SLC39A11: variants seen among roughly 807,000 people sequenced by gnomAD.
SLC39A11 encodes solute carrier family 39 member 11.
SLC39A11 carries 33 observed loss-of-function variants against 36.1 expected under a neutral mutation model. The observed-to-expected ratio is 0.91, with a 90% CI of 0.69 to 1.22. The LOEUF is 1.22. Among genes scored for constraint, SLC39A11 ranks in the 50% most tolerant of loss-of-function variants. The pLI, the probability that SLC39A11 is intolerant of heterozygous loss-of-function variation, is 0.00. For synonymous variants in SLC39A11, 166 were observed against 170.3 expected, an observed-to-expected ratio of 0.97 and a Z score of 0.20; for missense variants, 432 against 430.3, an observed-to-expected ratio of 1.00 and a Z score of -0.03.
chr17:73,010,018 G>A (rs995704584), intron 4 of SLC39A11, among the ~76,000 whole-genome samples: 1 of 152,010 alleles, frequency 6.6e-6, no homozygotes, highest in Non-Finnish European at 1.5e-5. Flanking sequence ...CCACTCCAAG[G>A]TTTCGGTACT....
At chr17:72,833,209 CAAAAT>C (rs1426701472) in intron 6 of SLC39A11, among the ~76,000 whole-genome samples, 1 of 152,052 alleles carries the variant, frequency 6.6e-6, no homozygotes, top group Non-Finnish European at 1.5e-5. Flanking sequence ...GGCCAGGAAA[CAAAAT>C]GAAGAAAACT....
intron 3 of SLC39A11, among the ~76,000 whole-genome samples, chr17:73,063,779 C>T (rs1039304983): frequency 1.3e-5 from 2 of 152,160 alleles, no homozygotes; most frequent in Admixed American, 6.6e-5. Flanking sequence ...TGCAAGTGTT[C>T]GCTGCCATCA....
intron 7 of SLC39A11, among the ~76,000 whole-genome samples, chr17:72,670,062 A>T (rs919889246): frequency 1.3e-5 from 2 of 151,234 alleles, no homozygotes; most frequent in Non-Finnish European, 2.9e-5. Context: ...ATGTATATAC[A>T]CATATATATA....
chr17:72,801,884 T>TA (rs544683772), intron 6 of SLC39A11, among the ~76,000 whole-genome samples: 53 of 152,210 alleles, frequency 3.5e-4, no homozygotes, highest in African/African-American at 1.2e-3. Context: ...TTTAAAACAA[T>TA]AAAAAAACTT....
At chr17:72,899,566 T>C (rs990898980) in intron 5 of SLC39A11, among the ~76,000 whole-genome samples, 7 of 152,160 alleles carry the variant, frequency 4.6e-5, no homozygotes, top group Admixed American at 3.9e-4. Context: ...ACTTATAAAG[T>C]GCTATTCTCA....
intron 7 of SLC39A11, among the ~76,000 whole-genome samples, chr17:72,702,939 C>CAAAAAA (rs57566412): frequency 1.2e-5 from 1 of 86,846 alleles, no homozygotes; most frequent in African/African-American, 4.6e-5. Context: ...TCCATCTCAC[C>CAAAAAA]AAAAAAAAAA....
chr17:72,809,017 T>C (rs753067843), intron 6 of SLC39A11, among the ~76,000 whole-genome samples: 1 of 152,234 alleles, frequency 6.6e-6, no homozygotes, highest in Non-Finnish European at 1.5e-5. Context: ...AACAACATTA[T>C]CTCAGTGGAT....
intron 6 of SLC39A11, among the ~76,000 whole-genome samples, chr17:72,807,392 A>T (rs1483254074): frequency 6.6e-6 from 1 of 152,120 alleles, no homozygotes; most frequent in African/African-American, 2.4e-5. Context: ...AAGGAATAGG[A>T]GTGTCTTTGT....
At chr17:72,999,204 T>C (rs957814353) in intron 4 of SLC39A11, among the ~76,000 whole-genome samples, 4 of 152,380 alleles carry the variant, frequency 2.6e-5, no homozygotes, top group Admixed American at 1.3e-4. Flanking sequence ...GCAACACTAA[T>C]ATCTCTTTCT....
At chr17:72,797,680 C>A (rs1473064348) in intron 6 of SLC39A11, among the ~76,000 whole-genome samples, 1 of 152,132 alleles carries the variant, frequency 6.6e-6, no homozygotes, top group Admixed American at 6.5e-5. Context: ...GGGATGCACA[C>A]CATCGTGGCC....
intron 6 of SLC39A11, among the ~76,000 whole-genome samples, chr17:72,739,137 T>C (rs1393966372): frequency 1.3e-5 from 2 of 151,938 alleles, no homozygotes; most frequent in African/African-American, 4.8e-5. Flanking sequence ...GGATTTTTTT[T>C]TTTTTTTTGA....
intron 5 of SLC39A11, among the ~76,000 whole-genome samples, chr17:72,915,885 T>C (rs2083301112): frequency 6.6e-6 from 1 of 152,238 alleles, no homozygotes. Flanking sequence ...TCGCTTTCTT[T>C]TCATGTAAAT....
chr17:72,904,694 C>T (rs1419999092), intron 5 of SLC39A11, among the ~76,000 whole-genome samples: 3 of 152,174 alleles, frequency 2.0e-5, no homozygotes, highest in East Asian at 1.9e-4. Context: ...GTGGCACTGA[C>T]GGGCCAAGGG....
intron 7 of SLC39A11, among the ~76,000 whole-genome samples, chr17:72,714,352 T>C (rs1240188891): frequency 6.6e-6 from 1 of 151,228 alleles, no homozygotes; most frequent in Non-Finnish European, 1.5e-5. Flanking sequence ...TAAGGCTCTT[T>C]CTCTCTCTCT....
At chr17:72,990,406 C>T (rs75277486) in intron 4 of SLC39A11, among the ~76,000 whole-genome samples, 3,421 of 152,230 alleles carry the variant, frequency 0.022, 130 homozygotes, top group African/African-American at 0.077. Flanking sequence ...TTTCCTTTTC[C>T]TATCAGGATT....
At chr17:72,857,136 C>G (rs1208865118) in intron 5 of SLC39A11, among the ~76,000 whole-genome samples, 4 of 152,144 alleles carry the variant, frequency 2.6e-5, no homozygotes, top group African/African-American at 9.7e-5. Flanking sequence ...CCTCCTCCCA[C>G]CCTCCACCCT....
chr17:72,647,497 T>C lies in SLC39A11; in HGVS notation c.*87A>G, dbSNP rs973080745. ...AAGAGAGGAAGGAAAAAAGTTTTAA[T>C]GTGAAGAAAGAAGCTTGTTGTCCCA... On this transcript the variant is annotated 3_prime_UTR_variant, in exon 10 of 10. Transcript: ENST00000255559. 14 of 1,090,426 alleles carry C rather than the reference T, an allele frequency of 1.3e-5. No homozygotes were observed. Among genetic ancestry groups the C allele is most frequent in the Non-Finnish European group, 1.7e-5 (13 of 745,788 alleles). The allele number at this position is 1,090,426 out of a possible 1,614,324, so 67.5% of individuals were successfully genotyped here.
At chr17:73,063,717 A>G (rs2059915736) in intron 3 of SLC39A11, among the ~76,000 whole-genome samples, 1 of 145,200 alleles carries the variant, frequency 6.9e-6, no homozygotes, top group South Asian at 2.2e-4. Context: ...AAAAGTATAA[A>G]GCAATAAACC....
intron 6 of SLC39A11, chr17:72,821,534 T>C (rs1464320378): frequency 2.8e-5 from 3 of 107,678 alleles, no homozygotes; most frequent in Non-Finnish European, 5.9e-5. Flanking sequence ...AAAAAAAAAG[T>C]TGGGGGTGGG....
Sources: allele counts gnomAD v4.1 joint callset (sites outside exome capture counted in the v4.1 genomes callset), GRCh38; gene constraint gnomAD v4.1.1; transcripts MANE v1.5; gene names NCBI Gene and HGNC (gene_info 2026-07-23, HGNC 2026-07-21).